The following GAS7 variants were observed in gnomAD, a reference collection of about 807,000 sequenced individuals.
GAS7 encodes growth arrest specific 7, also known as growth arrest-specific protein 7.
A neutral mutation model predicts 71.1 loss-of-function variants in GAS7; 28 were observed. The ratio of observed to expected loss-of-function variants is 0.39; its 90% confidence interval spans 0.29 to 0.54. The LOEUF (loss-of-function observed/expected upper bound fraction) is 0.54. Ranked by LOEUF, GAS7 falls within the 20% of genes least tolerant of loss-of-function variation. The pLI is 0.62. For synonymous variants in GAS7, 258 were observed against 245.8 expected (o/e 1.05, Z -0.46); for missense variants, 436 against 627.8 (o/e 0.69, Z 3.27).
intron 12 of GAS7, 106 bp from the exon 13 acceptor site, chr17:9,918,205 C>CA: frequency 1.4e-6 from 1 of 718,818 alleles, no homozygotes; most frequent in Non-Finnish European, 2.4e-6. Context: ...ACATTCTGTC[C>CA]CATCTGACTC....
Position 9,919,544 on chromosome 17 carries a change from T to A in GAS7, c.1218+82A>T, listed in dbSNP as rs1006864361. The A allele has an allele frequency of 6.1e-6, 6 of 977,250 alleles. No individual in the cohort carries two copies. Among genetic ancestry groups the A allele is most frequent in the Non-Finnish European group, 1.0e-5 (6 of 599,236 alleles). The allele number at this position is 977,250 out of a possible 1,614,324, so 60.5% of individuals were successfully genotyped here. A position where few individuals can be genotyped will look rare whatever the true frequency, so the allele number is the denominator to read the frequency against. On this transcript the variant is annotated intron_variant, in intron 12 of 13. Coordinates refer to ENST00000432992, the MANE Select transcript of GAS7 (RefSeq NM_201433.2). This position sits in a 1 kb window ranked among gnomAD's most constrained non-coding sequence, Gnocchi z 5.0. ...TCTCCAGGGTCACTCCACCCCATCA[T>A]CCCCGCGCCCACCAACAACCACCAG... is the stretch of plus-strand genomic sequence containing the variant.
At chr17:10,032,111 G>GGA (rs1555526706) in intron 1 of GAS7, among the ~76,000 whole-genome samples, 8 of 74,756 alleles carry the variant, frequency 1.1e-4, no homozygotes, top group Admixed American at 1.4e-4. Context: ...GGGAACCTCA[G>GGA]AAAAAAAAAA....
At chr17:10,046,403 A>G (rs939203213) in intron 1 of GAS7, among the ~76,000 whole-genome samples, 2 of 151,836 alleles carry the variant, frequency 1.3e-5, no homozygotes, top group Non-Finnish European at 2.9e-5. Context: ...AGGAAAAAAA[A>G]AAAAACTCGA....
intron 1 of GAS7, among the ~76,000 whole-genome samples, chr17:10,134,180 T>C (rs184338300): frequency 6.6e-6 from 1 of 151,668 alleles, no homozygotes; most frequent in Non-Finnish European, 1.5e-5. Context: ...ACAGGCACCA[T>C]CCACCACGCC....
At chr17:9,958,717 GCAGGCTGGC>G (rs2069349378) in intron 5 of GAS7, among the ~76,000 whole-genome samples, 1 of 152,172 alleles carries the variant, frequency 6.6e-6, no homozygotes, top group South Asian at 2.1e-4. Flanking sequence ...GCCCTGGGAG[GCAGGCTGGC>G]CACTCTAGGC....
chr17:9,943,078 C>T, intron 7 of GAS7, 43 bp downstream of exon 7: 1 of 1,304,550 alleles, frequency 7.7e-7, no homozygotes, highest in South Asian at 1.2e-5. Flanking sequence ...CCCCGGGGAA[C>T]ACTGGTGCCA....
intron 1 of GAS7, among the ~76,000 whole-genome samples, chr17:10,195,955 G>A (rs926802284): frequency 5.9e-5 from 9 of 152,196 alleles, no homozygotes; most frequent in East Asian, 5.8e-4. Context: ...TACAGGACTC[G>A]GGCCCACTGT....
chr17:10,192,122 C>T (rs145230797), intron 1 of GAS7, among the ~76,000 whole-genome samples: 31 of 152,290 alleles, frequency 2.0e-4, no homozygotes, highest in African/African-American at 7.5e-4. Flanking sequence ...CCTACTGCAA[C>T]TAAACTTTCA....
In GAS7 at chr17:9,911,247, C is replaced by G. The variant is rs2240738; in HGVS notation, c.*5981G>C. 2,726 of 233,270 alleles carry G rather than the reference C, an allele frequency of 0.012. 119 individuals carry two copies. The East Asian group carries it at 0.12, about 10-fold the overall frequency. 14.5% of individuals were successfully genotyped at this position (233,270 alleles called of 1,614,324 possible). On this transcript the variant is annotated 3_prime_UTR_variant, in exon 14 of 14. Transcript: ENST00000432992. The surrounding 1 kb of genome is among the most constrained non-coding windows in gnomAD (Gnocchi z 4.0). ...TTGACAGATGAGTGCACGGAGGTCC[C>G]GACAGGGGATGTGACTTAACTTCAG...
intron 1 of GAS7, among the ~76,000 whole-genome samples, chr17:10,138,505 C>T (rs1331610444): frequency 1.3e-5 from 2 of 152,036 alleles, no homozygotes; most frequent in Non-Finnish European, 2.9e-5. Flanking sequence ...TGGCTCACGC[C>T]TGTATTACCA....
chr17:9,972,148 A>T (rs914440073), intron 3 of GAS7, among the ~76,000 whole-genome samples: 5 of 152,206 alleles, frequency 3.3e-5, no homozygotes, highest in African/African-American at 1.2e-4. Context: ...ACAAGAAACA[A>T]CAAATCCACC....
chr17:10,195,910 T>C (rs1028579614), intron 1 of GAS7, among the ~76,000 whole-genome samples: 2 of 152,128 alleles, frequency 1.3e-5, no homozygotes, highest in Non-Finnish European at 2.9e-5. Flanking sequence ...TGCATCTGCT[T>C]TGGCCCTGAG....
At chr17:10,158,917 C>T (rs1367073292) in intron 1 of GAS7, among the ~76,000 whole-genome samples, 2 of 150,538 alleles carry the variant, frequency 1.3e-5, no homozygotes, top group African/African-American at 4.9e-5. Flanking sequence ...ATTAGCTGGG[C>T]ATGGTGGCAT....
intron 2 of GAS7, among the ~76,000 whole-genome samples, chr17:10,016,244 G>A (rs1007217010): frequency 6.6e-6 from 1 of 152,014 alleles, no homozygotes; most frequent in Admixed American, 6.6e-5. Flanking sequence ...AATTAGCCAG[G>A]TGTGGTGGCA....
At chr17:10,178,118 G>A (rs974314042) in intron 1 of GAS7, among the ~76,000 whole-genome samples, 2 of 152,232 alleles carry the variant, frequency 1.3e-5, no homozygotes, top group Admixed American at 6.5e-5. Context: ...CCCTGGGAGT[G>A]TATGTGGCAG....
intron 1 of GAS7, chr17:10,036,592 C>A: frequency 6.7e-7 from 1 of 1,497,230 alleles, no homozygotes; most frequent in Non-Finnish European, 8.9e-7. Context: ...AGCCCAGGGC[C>A]AGTGTTCTGG....
intron 1 of GAS7, among the ~76,000 whole-genome samples, chr17:10,175,439 T>C (rs2074367068): frequency 6.6e-6 from 1 of 152,030 alleles, no homozygotes; most frequent in East Asian, 1.9e-4. Flanking sequence ...AAGCTCAAGG[T>C]TGCTTGTAAG....
At chr17:10,083,473 G>A (rs78980256) in intron 1 of GAS7, among the ~76,000 whole-genome samples, 2 of 152,370 alleles carry the variant, frequency 1.3e-5, no homozygotes, top group Admixed American at 6.5e-5. Context: ...TCTGGCTGGC[G>A]ATGCCAGAGG....
chr17:9,918,766 T>A (rs1210430752), intron 12 of GAS7, among the ~76,000 whole-genome samples: 6 of 152,164 alleles, frequency 3.9e-5, no homozygotes, highest in Non-Finnish European at 7.3e-5. Context: ...GGTTTCTAGA[T>A]GGTTTTGTGT....
Sources: allele counts gnomAD v4.1 joint callset (sites outside exome capture counted in the v4.1 genomes callset), GRCh38; gene constraint gnomAD v4.1.1; non-coding constraint Gnocchi (gnomAD v3.1); transcripts MANE v1.5; gene names NCBI Gene and HGNC (gene_info 2026-07-23, HGNC 2026-07-21).